Variants in CA3 observed in about 807,000 individuals in gnomAD.
CA3 encodes the protein carbonic anhydrase 3.
A neutral mutation model predicts 35.7 loss-of-function variants in CA3; 30 were observed. The ratio of observed to expected loss-of-function variants is 0.84; its 90% CI spans 0.63 to 1.14. CA3 has a LOEUF of 1.14. Ranked by LOEUF, CA3 falls within the 50% of genes most tolerant of loss-of-function variation. CA3 has a pLI of 0.00. For missense variants in CA3, 295 were observed against 328.5 expected, an observed-to-expected ratio of 0.90 and a Z score of 0.79; for synonymous variants, 131 against 130.8, an observed-to-expected ratio of 1.00 and a Z score of -0.01.
intron 2 of CA3, among the ~76,000 whole-genome samples, chr8:85,440,857 C>CT (rs34496582): frequency 1.3e-5 from 2 of 152,006 alleles, no homozygotes; most frequent in Non-Finnish European, 2.9e-5. Context: ...CTATTGTTTC[C>CT]TTTTTTCCCC....
chr8:85,445,340 A>G, intron 5 of CA3, 122 bp downstream of exon 5: 1 of 593,928 alleles, frequency 1.7e-6, no homozygotes, highest in East Asian at 3.0e-5. Context: ...TGCTAAGCAT[A>G]CATATAAAAA....
In CA3 at chr8:85,439,708, C is replaced by G. The variant is rs1016123044; in HGVS notation, c.35-4C>G. ...AAATACATCTCCTCGACTTTATTTCCTAGGTCCTGACCACTGGCATGAACT... is the reference window on the plus strand; with the variant it reads ...AAATACATCTCCTCGACTTTATTTCGTAGGTCCTGACCACTGGCATGAACT... On this transcript the variant is annotated splice_polypyrimidine_tract_variant and splice_region_variant and intron_variant, in intron 1 of 6. Coordinates refer to ENST00000285381, the MANE Select transcript of CA3 (RefSeq NM_005181.4). 1 of 1,609,606 alleles carries G rather than the reference C, an allele frequency of 6.2e-7. No individual in the cohort carries two copies.
intron 3 of CA3, among the ~76,000 whole-genome samples, chr8:85,443,048 C>T (rs905794155): frequency 2.0e-5 from 3 of 152,118 alleles, no homozygotes; most frequent in Non-Finnish European, 4.4e-5. Flanking sequence ...CTGAATAATG[C>T]TTATGTTCCA....
At chr8:85,440,385 A>G (rs1008942425) in intron 2 of CA3, among the ~76,000 whole-genome samples, 8 of 152,204 alleles carry the variant, frequency 5.3e-5, no homozygotes, top group Non-Finnish European at 1.2e-4. Context: ...TCTAGGGGAG[A>G]GAACAGGGCC....
intron 4 of CA3, 75 bp downstream of exon 4, chr8:85,444,201 A>C: frequency 1.1e-6 from 1 of 891,704 alleles, no homozygotes; most frequent in Non-Finnish European, 1.8e-6. Flanking sequence ...TTTGAGTTTC[A>C]TTTCCTCATT....
At chr8:85,441,022 T>G (rs2130500407) in intron 2 of CA3, among the ~76,000 whole-genome samples, 1 of 152,326 alleles carries the variant, frequency 6.6e-6, no homozygotes, top group African/African-American at 2.4e-5. Context: ...GACTCACATG[T>G]CCCTATAATA....
At chr8:85,442,433 G>A (rs1315218494) in intron 3 of CA3, 1 of 424,412 alleles carries the variant, frequency 2.4e-6, no homozygotes, top group South Asian at 2.5e-5. Context: ...AGAAACTGGG[G>A]CGAGTGCAGT....
intron 5 of CA3, 40 bp from the exon 6 acceptor site, chr8:85,446,102 A>T (rs1315880587): frequency 1.6e-5 from 25 of 1,536,438 alleles, no homozygotes; most frequent in Non-Finnish European, 2.1e-5. Flanking sequence ...GGGCATGTGC[A>T]TGCATGCACT....
intron 5 of CA3, 68 bp from the exon 6 acceptor site, chr8:85,446,074 G>A: frequency 1.5e-6 from 2 of 1,337,822 alleles, no homozygotes; most frequent in African/African-American, 1.5e-5. Context: ...ATAAAGTGGT[G>A]AGGGCATTGG....
chr8:85,445,356 G>A lies in CA3; in HGVS notation c.507+138G>A, dbSNP rs1056728292. The A allele has an allele frequency of 7.1e-6, 4 of 559,630 alleles. No homozygotes were observed. In the East Asian group the frequency reaches 1.2e-4, roughly 17 times the overall value. The allele number at this position is 559,630 out of a possible 1,614,324, so 34.7% of individuals were successfully genotyped here. A position where few individuals can be genotyped will look rare whatever the true frequency, so the allele number is the denominator to read the frequency against. ...GCTAAGCATACATATAAAAATAAAT[G>A]CTATTATATTTGTATGGCATACAGT... On this transcript the variant is annotated intron_variant, in intron 5 of 6. Transcript: ENST00000285381.
chr8:85,446,398 A>G, intron 6 of CA3, 101 bp downstream of exon 6: 1 of 1,329,958 alleles, frequency 7.5e-7, no homozygotes, highest in Non-Finnish European at 1.0e-6. Context: ...ATACTCACTG[A>G]ACAGCTCTAT....
intron 4 of CA3, 97 bp from the exon 5 acceptor site, chr8:85,445,059 C>A: frequency 1.4e-6 from 1 of 691,986 alleles, no homozygotes; most frequent in Non-Finnish European, 2.5e-6. Context: ...GATTTATAAA[C>A]ACTAGTTGCA....
At chr8:85,443,435 A>G (rs1368392749) in intron 3 of CA3, among the ~76,000 whole-genome samples, 2 of 152,222 alleles carry the variant, frequency 1.3e-5, no homozygotes, top group East Asian at 3.8e-4. Context: ...CTTAAGCAGA[A>G]TCATTAGGCA....
chr8:85,447,924 CA>C lies in CA3; in HGVS notation c.664-103del, dbSNP rs888179230. On this transcript the variant is annotated intron_variant, in intron 6 of 6. Transcript: ENST00000285381. ...AAAAACAAACAAACAAACAAACAAA[CA>C]AAAAAACCAACAACAAAAAAAACCC... 27 of 1,040,338 alleles carry C rather than the reference CA, an allele frequency of 2.6e-5. No individual in the cohort carries two copies. In the Admixed American group the frequency reaches 2.7e-4, roughly 10 times the overall value. The allele number at this position is 1,040,338 out of a possible 1,614,324, so 64.4% of individuals were successfully genotyped here. A position where few individuals can be genotyped will look rare whatever the true frequency, so the allele number is the denominator to read the frequency against.
chr8:85,444,660 G>A (rs1332642912), intron 4 of CA3, among the ~76,000 whole-genome samples: 1 of 152,202 alleles, frequency 6.6e-6, no homozygotes, highest in East Asian at 1.9e-4. Flanking sequence ...ATTAACACAT[G>A]AAGTTAGTGG....
At chr8:85,441,628 G>T (rs1416531916) in intron 2 of CA3, among the ~76,000 whole-genome samples, 2 of 152,170 alleles carry the variant, frequency 1.3e-5, no homozygotes, top group East Asian at 1.9e-4. Flanking sequence ...TTAGAGATGT[G>T]AAAGTGGGTT....
intron 1 of CA3, 93 bp downstream of exon 1, chr8:85,439,036 G>C: frequency 7.9e-7 from 1 of 1,259,098 alleles, no homozygotes; most frequent in Admixed American, 2.0e-5. Flanking sequence ...AGAGACTGCA[G>C]TGGAAAATGT....
intron 3 of CA3, chr8:85,442,393 T>A (rs1811220216): frequency 3.9e-6 from 2 of 517,862 alleles, no homozygotes; most frequent in Non-Finnish European, 7.0e-6. Flanking sequence ...TGAGTTGGCA[T>A]CAAACATGAA....
chr8:85,447,722 A>T (rs1439767749), intron 6 of CA3, among the ~76,000 whole-genome samples: 1 of 152,156 alleles, frequency 6.6e-6, no homozygotes, highest in Non-Finnish European at 1.5e-5. Flanking sequence ...ACATGGTGAA[A>T]CCCCATCTCT....
Sources: gnomAD v4.1 joint callset for allele counts (sites outside exome capture counted in the v4.1 genomes callset) on GRCh38, gnomAD v4.1.1 for gene constraint, MANE v1.5 for transcripts, NCBI Gene and HGNC (gene_info 2026-07-23, HGNC 2026-07-21) for gene names.